The following AAK1 variants were observed in gnomAD, a reference collection of about 807,000 sequenced individuals.
AAK1 encodes the protein AP2 associated kinase 1.
Under a neutral mutation model 116.0 loss-of-function variants are expected in AAK1, and 37 were observed. The observed-to-expected ratio is 0.32, with a 90% confidence interval of 0.25 to 0.42. AAK1 has a LOEUF of 0.42. AAK1 is among the 10% of genes least tolerant of loss of function. The probability of loss-of-function intolerance (pLI) is 1.00; values close to 1 mark genes in which losing one functional copy is unlikely to be tolerated. For missense variants in AAK1, 919 were observed against 1,170.6 expected (o/e 0.79, Z 3.14); for synonymous variants, 458 against 439.9 (o/e 1.04, Z -0.51).
At chr2:69,571,983 ACAGG>A (rs1198595521) in intron 2 of AAK1, among the ~76,000 whole-genome samples, 1 of 152,254 alleles carries the variant, frequency 6.6e-6, no homozygotes, top group Non-Finnish European at 1.5e-5. Context: ...GGGAGGAAAC[ACAGG>A]CTGGAGTCTT....
Position 69,594,884 on chromosome 2 carries a change from C to G in AAK1, c.164-37906G>C, listed in dbSNP as rs1387388553. On this transcript the variant is annotated intron_variant, in intron 2 of 21. Transcript: ENST00000409085. Reference sequence around the variant, plus strand: ...AGCACAATCTTCTTTGTAGTTTTAGCCTTTTTCCAGAAAATCGGCTTAGTT... The same window carrying G: ...AGCACAATCTTCTTTGTAGTTTTAGGCTTTTTCCAGAAAATCGGCTTAGTT... 8 of 1,552,042 alleles carry G rather than the reference C, an allele frequency of 5.2e-6. No individual in the cohort carries two copies. The African/African-American group carries it at 1.1e-4, about 21-fold the overall frequency.
intron 21 of AAK1, 69 bp from the exon 22 acceptor site, chr2:69,476,032 AAAG>A: frequency 1.3e-6 from 2 of 1,504,028 alleles, no homozygotes; most frequent in Non-Finnish European, 1.8e-6. Flanking sequence ...CAGAGCAAGC[AAAG>A]AAGAAAAACC....
In AAK1 at chr2:69,548,906, A is replaced by G. The variant is rs534742629; in HGVS notation, c.283-4362T>C. Among the ~76,000 whole-genome samples, 3 of 151,432 alleles carry G rather than the reference A, an allele frequency of 2.0e-5. No homozygotes were observed. In the South Asian group the frequency reaches 6.5e-4, roughly 33 times the overall value. ...GCGTGAGCCACCACACCCGGCCAAC[A>G]AGCTGTTTTGTTAGAATAATGCCAC... is the stretch of plus-strand genomic sequence containing the variant. On this transcript the variant is annotated intron_variant, in intron 3 of 21. Coordinates refer to ENST00000409085, the MANE Select transcript of AAK1 (RefSeq NM_014911.5).
At chr2:69,585,481 G>A (rs1222849946) in intron 2 of AAK1, among the ~76,000 whole-genome samples, 1 of 152,168 alleles carries the variant, frequency 6.6e-6, no homozygotes, top group Non-Finnish European at 1.5e-5. Context: ...GACTGGGACA[G>A]TAGTTATGTT....
At chr2:69,588,089 A>T (rs892790566) in intron 2 of AAK1, among the ~76,000 whole-genome samples, 3 of 152,088 alleles carry the variant, frequency 2.0e-5, no homozygotes. Flanking sequence ...CTAAGGAGCA[A>T]GACTTTGGAG....
At chr2:69,576,795 C>T (rs1465190012) in intron 2 of AAK1, among the ~76,000 whole-genome samples, 2 of 152,124 alleles carry the variant, frequency 1.3e-5, no homozygotes, top group Non-Finnish European at 1.5e-5. Flanking sequence ...TCTAGAGCCT[C>T]GCTTCTACAA....
rs572211677 is a variant in AAK1, at chr2:69,637,492, C to CA, written c.163+5385dup. On this transcript the variant is annotated intron_variant, in intron 2 of 21. Coordinates refer to ENST00000409085, the MANE Select transcript of AAK1 (RefSeq NM_014911.5). ...AACCTTGATCTCCCAATTCATAATG[C>CA]AGTGTTCTTTCCACCACACCAAAAT... Among the ~76,000 whole-genome samples the CA allele has an allele frequency of 3.0e-3, 451 of 152,274 alleles. 9 individuals are homozygous for CA. The highest frequency in any genetic ancestry group is 6.6e-4 in the Non-Finnish European group (45 of 68,026).
chr2:69,581,985 A>C (rs1219425681), intron 2 of AAK1, among the ~76,000 whole-genome samples: 1 of 152,178 alleles, frequency 6.6e-6, no homozygotes, highest in Non-Finnish European at 1.5e-5. Context: ...TCTTTAAAAA[A>C]AAAAAAGTGC....
At chr2:69,587,686 G>A (rs1299361380) in intron 2 of AAK1, among the ~76,000 whole-genome samples, 2 of 151,954 alleles carry the variant, frequency 1.3e-5, no homozygotes, top group East Asian at 3.9e-4. Context: ...GACTGGTCTT[G>A]AACTCCTGAC....
At chr2:69,507,666 C>T (rs1196475644) in intron 14 of AAK1, 88 bp from the exon 15 acceptor site, 40 of 1,150,848 alleles carry the variant, frequency 3.5e-5, no homozygotes, top group Non-Finnish European at 4.4e-5. Context: ...GTTTCAGAAT[C>T]AAATTATTTT....
At position 69,473,229 on chromosome 2, in the gene AAK1, G is replaced by A. The variant is rs749983192; in HGVS notation, c.*2640C>T. ...GTCCTGCCCAGGCCTCTTCTCCCCC[G>A]ACCCTGTTCAATCCAGCTCAGGTCC... On this transcript the variant is annotated 3_prime_UTR_variant, in exon 22 of 22. Transcript: ENST00000409085. The A allele has an allele frequency of 2.6e-5, 24 of 911,698 alleles. No individual in the cohort carries two copies. The highest frequency in any genetic ancestry group is 5.1e-5 in the South Asian group (1 of 19,706). 56.5% of individuals were successfully genotyped at this position (911,698 alleles called of 1,614,324 possible). A position where few individuals can be genotyped will look rare whatever the true frequency, so the allele number is the denominator to read the frequency against.
chr2:69,525,202 T>C, intron 9 of AAK1, 90 bp from the exon 10 acceptor site: 1 of 1,299,280 alleles, frequency 7.7e-7, no homozygotes. Flanking sequence ...GACTGAGAGC[T>C]GATGGAAACA....
intron 8 of AAK1, among the ~76,000 whole-genome samples, chr2:69,527,787 T>G (rs1216384771): frequency 1.3e-5 from 2 of 152,240 alleles, no homozygotes; most frequent in Non-Finnish European, 2.9e-5. Context: ...TAAAAGAAAT[T>G]ACAAAGTAAC....
chr2:69,523,123 G>A (rs973177392), intron 10 of AAK1, among the ~76,000 whole-genome samples: 11 of 152,186 alleles, frequency 7.2e-5, no homozygotes, highest in African/African-American at 2.7e-4. Flanking sequence ...ATTAATTGTA[G>A]AATGTCCAAA....
chr2:69,492,773 C>G (rs944680614), intron 17 of AAK1, among the ~76,000 whole-genome samples: 1 of 151,974 alleles, frequency 6.6e-6, no homozygotes, highest in Non-Finnish European at 1.5e-5. Context: ...ATCCACCCGC[C>G]TCGACCTCCC....
chr2:69,558,996 C>A (rs1478167291), intron 2 of AAK1, among the ~76,000 whole-genome samples: 2 of 150,950 alleles, frequency 1.3e-5, no homozygotes, highest in African/African-American at 4.9e-5. Flanking sequence ...AGCACTATTG[C>A]ACGTTTTCAT....
rs549976767 is a variant in AAK1, at chr2:69,486,135, T to C, written c.2366-3323A>G. On this transcript the variant is annotated intron_variant, in intron 17 of 21. Transcript: ENST00000409085. ...ATGCTCGGCTAATATTTTTTATTTT[T>C]CATTTTAGTAGAGATGGGGTCTCGC... Among the ~76,000 whole-genome samples, 4 of 152,136 alleles carry C rather than the reference T, an allele frequency of 2.6e-5. No individual in the cohort carries two copies. The South Asian group carries it at 8.3e-4, about 32-fold the overall frequency.
chr2:69,638,900 T>C lies in AAK1; in HGVS notation c.163+3978A>G, dbSNP rs1322234561. Among the ~76,000 whole-genome samples the C allele has an allele frequency of 4.6e-5, 7 of 152,330 alleles. No homozygotes were observed. In the East Asian group the frequency reaches 1.3e-3, roughly 29 times the overall value. ...GTTGAGCTCTGTTAAGAGTCAGGCC[T>C]GTGTCCCATTCATCTTAGGATCTCT... On this transcript the variant is annotated intron_variant, in intron 2 of 21. Coordinates refer to ENST00000409085, the MANE Select transcript of AAK1 (RefSeq NM_014911.5).
rs138061355 is a variant in AAK1, at chr2:69,492,979, G to C, written c.2365+3006C>G. On this transcript the variant is annotated intron_variant, in intron 17 of 21. Coordinates refer to ENST00000409085, the MANE Select transcript of AAK1 (RefSeq NM_014911.5). ...CGGGGTAAAACCAAATTTGTAGTTT[G>C]CCCAGGTTCTAGAGACACTGAACCC... Among the ~76,000 whole-genome samples, 548 of 151,646 alleles carry C rather than the reference G, an allele frequency of 3.6e-3. 3 individuals carry two copies. The highest frequency in any genetic ancestry group is 0.012 in the African/African-American group (509 of 41,380).
Sources: allele counts gnomAD v4.1 joint callset (sites outside exome capture counted in the v4.1 genomes callset), GRCh38; gene constraint gnomAD v4.1.1; transcripts MANE v1.5; gene names NCBI Gene and HGNC (gene_info 2026-07-23, HGNC 2026-07-21).